The following KDM3B variants were observed in gnomAD, a reference collection of about 807,000 sequenced individuals.
KDM3B encodes the protein lysine demethylase 3B.
Under a neutral mutation model 170.0 loss-of-function variants are expected in KDM3B, and 10 were observed. That is an observed-to-expected ratio of 0.06 (90% CI 0.04 to 0.10). The LOEUF (loss-of-function observed/expected upper bound fraction) is 0.10, where lower values mean the gene tolerates loss of function less well. Among genes scored for constraint, KDM3B ranks in the 10% least tolerant of loss-of-function variants. The pLI is 1.00. For synonymous variants in KDM3B, 831 were observed against 834.8 expected (o/e 1.00, Z 0.08); for missense variants, 1,394 against 2,195.2 (o/e 0.64, Z 7.29).
In KDM3B at chr5:138,424,372, A is replaced by G. The variant is rs147502836; in HGVS notation, c.4239+31A>G. 177 of 1,598,556 alleles carry G rather than the reference A, an allele frequency of 1.1e-4. 1 individual carries two copies. The highest frequency in any genetic ancestry group is 1.3e-4 in the African/African-American group (10 of 74,590). On this transcript the variant is annotated intron_variant, in intron 16 of 23. Transcript: ENST00000314358. ...CAAGAATAAGTCGTTCCAAGGGCCA[A>G]TTCTCTGCCTGCCTACCACAGATAC... is the stretch of plus-strand genomic sequence containing the variant.
intron 15 of KDM3B, among the ~76,000 whole-genome samples, chr5:138,421,869 ATC>A (rs1763281226): frequency 6.6e-6 from 1 of 152,124 alleles, no homozygotes; most frequent in African/African-American, 2.4e-5. Flanking sequence ...CCATAGCCCT[ATC>A]TGTTCATCTT....
intron 11 of KDM3B, among the ~76,000 whole-genome samples, chr5:138,414,068 T>C (rs1249016826): frequency 6.6e-6 from 1 of 152,188 alleles, no homozygotes; most frequent in Non-Finnish European, 1.5e-5. Context: ...CACAACAATA[T>C]AGATGACTCA....
At chr5:138,374,689 G>A (rs1761954013) in intron 2 of KDM3B, among the ~76,000 whole-genome samples, 1 of 152,176 alleles carries the variant, frequency 6.6e-6, no homozygotes, top group South Asian at 2.1e-4. Flanking sequence ...AATTAACCAT[G>A]CATATTTATG....
chr5:138,430,071 T>C, intron 21 of KDM3B, 106 bp downstream of exon 21: 1 of 1,432,154 alleles, frequency 7.0e-7, no homozygotes, highest in Non-Finnish European at 9.5e-7. Flanking sequence ...ATTAAAGACT[T>C]GTTGGCCATG....
At chr5:138,386,992 T>A (rs1428308164) in intron 7 of KDM3B, among the ~76,000 whole-genome samples, 1 of 152,246 alleles carries the variant, frequency 6.6e-6, no homozygotes, top group African/African-American at 2.4e-5. Context: ...TTGGTAATAG[T>A]GAATACTATA....
rs975345769 is a variant in KDM3B, at chr5:138,352,888, G to A, written c.93G>A (p.Ala31=). 3.6e-6 allele frequency: 5 copies of A among 1,376,770 alleles called. No individual in the cohort carries two copies. The African/African-American group carries it at 4.6e-5, about 13-fold the overall frequency. 85.3% of individuals were successfully genotyped at this position (1,376,770 alleles called of 1,614,324 possible). ...AASASASAPA[A]AAASGDPGPA... Reference sequence around the variant, plus strand: ...CAGCCTCGGCCTCGGCTCCCGCGGCGGCAGCGGCGAGCGGAGATCCGGGGC... The same window carrying A: ...CAGCCTCGGCCTCGGCTCCCGCGGCAGCAGCGGCGAGCGGAGATCCGGGGC... The change falls in exon 1 of 24, where the codon GCG becomes GCA. Residue 31 remains alanine, a synonymous_variant. Transcript: ENST00000314358.
chr5:138,415,101 T>C (rs1763069416), intron 11 of KDM3B, 31 bp from the exon 12 acceptor site: 1 of 1,498,782 alleles, frequency 6.7e-7, no homozygotes. Flanking sequence ...TTGTGACCCT[T>C]ATAAAATAAG....
At chr5:138,409,406 T>C (rs1762904457) in intron 11 of KDM3B, among the ~76,000 whole-genome samples, 1 of 152,054 alleles carries the variant, frequency 6.6e-6, no homozygotes, top group South Asian at 2.1e-4. Context: ...CAATGAACAA[T>C]TAGAAATTGA....
At chr5:138,356,752 C>T (rs533389118) in intron 1 of KDM3B, among the ~76,000 whole-genome samples, 64 of 150,004 alleles carry the variant, frequency 4.3e-4, no homozygotes, top group African/African-American at 1.5e-3. Flanking sequence ...AAGCGATTCT[C>T]CTGCCTCAGC....
intron 1 of KDM3B, among the ~76,000 whole-genome samples, chr5:138,363,902 T>C (rs1761678213): frequency 6.6e-6 from 1 of 150,712 alleles, no homozygotes; most frequent in East Asian, 2.0e-4. Flanking sequence ...GCAGTTATTC[T>C]ATTTAGTTTT....
intron 1 of KDM3B, among the ~76,000 whole-genome samples, chr5:138,367,654 A>T (rs1207817790): frequency 1.3e-5 from 2 of 152,200 alleles, no homozygotes; most frequent in Non-Finnish European, 2.9e-5. Context: ...CTCTGATAGT[A>T]GAAATTTAAT....
intron 22 of KDM3B, 152 bp from the exon 23 acceptor site, chr5:138,431,273 A>G (rs1323688970): frequency 1.6e-6 from 1 of 614,816 alleles, no homozygotes; most frequent in Non-Finnish European, 2.6e-6. Flanking sequence ...TTTTATTTAT[A>G]CATTTGCACT....
intron 20 of KDM3B, among the ~76,000 whole-genome samples, chr5:138,428,502 C>T (rs899668122): frequency 2.7e-4 from 41 of 152,298 alleles, no homozygotes; most frequent in African/African-American, 9.6e-4. Flanking sequence ...TCAGCCACTG[C>T]ACCCGGCTTC....
chr5:138,412,398 A>G (rs1027264736), intron 11 of KDM3B, among the ~76,000 whole-genome samples: 3 of 151,902 alleles, frequency 2.0e-5, no homozygotes, highest in Non-Finnish European at 4.4e-5. Flanking sequence ...TATAACCTGT[A>G]ATCCCAACAG....
rs1207068902 is a variant in KDM3B at position 138,352,952 on chromosome 5, C to T, written c.157C>T (p.Arg53Trp). Residue 53 changes from arginine (R) to tryptophan (W), a missense_variant, in exon 1 of 24, where the codon CGG becomes TGG. By Grantham distance (101) the Arg-to-Trp change is moderately radical. Around this residue, in one of 19 missense-constraint regions of KDM3B, gnomAD observed 99 missense variants for 97.5 expected, o/e 1.02. Coordinates refer to ENST00000314358, the MANE Select transcript of KDM3B (RefSeq NM_016604.4). ...TCGAGCCTGGCGGGCCGGCACGGTG[C>T]GGGCCATGAGCGGGGCGGTGCCCCA... ...RTRAWRAGTV[R>W]AMSGAVPQDL... 2 of 1,275,412 alleles carry T rather than the reference C, an allele frequency of 1.6e-6. No homozygotes were observed. The highest frequency in any genetic ancestry group is 5.2e-5 in the South Asian group (2 of 38,114). 79.0% of individuals were successfully genotyped at this position (1,275,412 alleles called of 1,614,324 possible). A position where few individuals can be genotyped will look rare whatever the true frequency, so the allele number is the denominator to read the frequency against.
chr5:138,421,970 G>A (rs887659485), intron 15 of KDM3B, among the ~76,000 whole-genome samples: 10 of 152,098 alleles, frequency 6.6e-5, no homozygotes, highest in African/African-American at 2.2e-4. Context: ...TTTGAACATG[G>A]CCTGGCATGC....
intron 3 of KDM3B, among the ~76,000 whole-genome samples, chr5:138,376,697 C>T (rs1181508558): frequency 6.7e-6 from 1 of 149,754 alleles, no homozygotes; most frequent in Non-Finnish European, 1.5e-5. Flanking sequence ...GAGTGAGACT[C>T]CATCTCAAGA....
chr5:138,355,424 A>G (rs988818009), intron 1 of KDM3B, among the ~76,000 whole-genome samples: 2 of 152,214 alleles, frequency 1.3e-5, no homozygotes, highest in South Asian at 2.1e-4. Context: ...GCCAAGTGCT[A>G]CCTTAAGGTG....
At position 138,392,250 on chromosome 5, in the gene KDM3B, C is replaced by A; in HGVS notation, c.2618C>A (p.Ala873Asp). 1 of 1,492,174 alleles carries A rather than the reference C, an allele frequency of 6.7e-7. No individual in the cohort carries two copies. The highest frequency in any genetic ancestry group is 2.3e-5 in the East Asian group (1 of 43,442). 92.4% of individuals were successfully genotyped at this position (1,492,174 alleles called of 1,614,324 possible). A position where few individuals can be genotyped will look rare whatever the true frequency, so the allele number is the denominator to read the frequency against. Reference protein sequence around the residue: ...KQAPKGRPRTAPLKVGQSVLK... With the variant: ...KQAPKGRPRTDPLKVGQSVLK... ...GCCCCCAAGGGCCGGCCTCGGACTGCCCCCCTGAAAGGTGATCCTGCTGGG... is the reference window on the plus strand; with the variant it reads ...GCCCCCAAGGGCCGGCCTCGGACTGACCCCCTGAAAGGTGATCCTGCTGGG... Residue 873 changes from alanine to aspartate, a missense_variant, in exon 8 of 24, where the codon GCC (alanine) becomes GAC (aspartate). Ala to Asp is a moderately radical substitution (Grantham distance 126, BLOSUM62 -2). This residue lies in a region of KDM3B where 84 missense variants were observed against 135.8 expected (regional missense o/e 0.62). Coordinates refer to ENST00000314358, the MANE Select transcript of KDM3B (RefSeq NM_016604.4).
Sources: gnomAD v4.1 joint callset for allele counts (sites outside exome capture counted in the v4.1 genomes callset) on GRCh38, gnomAD v4.1.1 for gene constraint, gnomAD v4.1.1 regional missense constraint, MANE v1.5 for transcripts, NCBI Gene and HGNC (gene_info 2026-07-23, HGNC 2026-07-21) for gene names.